The following ANO3 variants were observed in gnomAD, a reference collection of about 807,000 sequenced individuals.
The protein encoded by ANO3 is anoctamin 3.
In ANO3, 99 loss-of-function variants were observed where a neutral mutation model predicts 144.8. That is an observed-to-expected ratio of 0.68 (90% CI 0.58 to 0.81). ANO3 has a LOEUF of 0.81. Among genes scored for constraint, ANO3 ranks in the 30% least tolerant of loss-of-function variants. The pLI, the probability that ANO3 is intolerant of heterozygous loss-of-function variation, is 0.00. For synonymous variants in ANO3, 414 were observed against 392.6 expected, an observed-to-expected ratio of 1.05 and a Z score of -0.64; for missense variants, 905 against 1,202.2, an observed-to-expected ratio of 0.75 and a Z score of 3.66.
intron 14 of ANO3, among the ~76,000 whole-genome samples, chr11:26,595,079 C>G (rs769096941): frequency 2.0e-5 from 3 of 152,120 alleles, no homozygotes; most frequent in African/African-American, 4.8e-5. Context: ...GCCAGGATCC[C>G]CAGTCATTTT....
At chr11:26,288,566 G>A (rs922942997) in intron 1 of ANO3, among the ~76,000 whole-genome samples, 1 of 152,058 alleles carries the variant, frequency 6.6e-6, no homozygotes, top group African/African-American at 2.4e-5. Flanking sequence ...CACAAACTGG[G>A]GTTAATAAAT....
At chr11:26,576,381 A>T (rs995383560) in intron 14 of ANO3, among the ~76,000 whole-genome samples, 2 of 152,190 alleles carry the variant, frequency 1.3e-5, no homozygotes, top group Non-Finnish European at 2.9e-5. Flanking sequence ...TAAATATAAT[A>T]ATTTTTTTGG....
intron 4 of ANO3, among the ~76,000 whole-genome samples, chr11:26,506,264 T>C (rs1861432359): frequency 6.6e-6 from 1 of 152,188 alleles, no homozygotes; most frequent in African/African-American, 2.4e-5. Context: ...TGGCTCCTTA[T>C]CTTTTTAAAT....
intron 1 of ANO3, among the ~76,000 whole-genome samples, chr11:26,354,803 T>A (rs1443003445): frequency 6.6e-6 from 1 of 152,178 alleles, no homozygotes; most frequent in Non-Finnish European, 1.5e-5. Flanking sequence ...TATTTTCATA[T>A]TAAAATTGTT....
At chr11:26,284,110 T>C (rs904375654) in intron 1 of ANO3, among the ~76,000 whole-genome samples, 2 of 152,036 alleles carry the variant, frequency 1.3e-5, no homozygotes, top group African/African-American at 4.8e-5. Flanking sequence ...GGGCCAGAAG[T>C]GCTCTAAGTG....
chr11:26,333,787 A>G (rs1293885536), intron 1 of ANO3, among the ~76,000 whole-genome samples: 1 of 152,182 alleles, frequency 6.6e-6, no homozygotes, highest in Non-Finnish European at 1.5e-5. Flanking sequence ...GTAGACAAAA[A>G]TTTCACCTAG....
At chr11:26,459,636 G>A (rs1020871299) in intron 3 of ANO3, among the ~76,000 whole-genome samples, 1 of 151,676 alleles carries the variant, frequency 6.6e-6, no homozygotes, top group African/African-American at 2.4e-5. Context: ...GCCAGGCCAG[G>A]CTCACAAAAA....
chr11:26,422,769 G>C (rs1034923115), intron 1 of ANO3, among the ~76,000 whole-genome samples: 1 of 151,844 alleles, frequency 6.6e-6, no homozygotes. Flanking sequence ...ATGCTGTGGG[G>C]GTAATTTTAG....
intron 1 of ANO3, among the ~76,000 whole-genome samples, chr11:26,245,045 G>T (rs1446116406): frequency 7.0e-6 from 1 of 142,386 alleles, no homozygotes; most frequent in Non-Finnish European, 1.5e-5. Flanking sequence ...GTCTTTCATA[G>T]CATTGAATTT....
rs553530857 is a variant in ANO3, at chr11:26,288,838, T to TA, written c.155-20806dup. ...TGCCATGGATCTAATATGCCATACC[T>TA]ATTTGCCTGCAAATGTCCCTCTGGG... is the stretch of plus-strand genomic sequence containing the variant. On this transcript the variant is annotated intron_variant, in intron 1 of 27. Transcript: ENST00000672621. 3.7e-4 allele frequency among the ~76,000 whole-genome samples: 56 copies of TA among 152,268 alleles called. 2 individuals are homozygous for TA. In the South Asian group the frequency reaches 0.011, roughly 31 times the overall value.
At position 26,635,083 on chromosome 11, in the gene ANO3, G is replaced by A. The variant is rs1438086488; in HGVS notation, c.2043+13G>A. ...GAGACTGGAGGAAGTAAGTAACTTT[G>A]GGAGTGTGGGTGCAGGAATGGGCAT... On this transcript the variant is annotated intron_variant, in intron 20 of 26. Coordinates refer to ENST00000256737, the MANE Select transcript of ANO3 (RefSeq NM_031418.4). 1 of 1,612,614 alleles carries A rather than the reference G, an allele frequency of 6.2e-7. No individual in the cohort carries two copies. The highest frequency in any genetic ancestry group is 1.7e-5 in the Admixed American group (1 of 60,008).
rs1447376390 is a variant in ANO3 at position 26,660,969 on chromosome 11, T to C, written c.*525T>C. ...TTTACAGGTTGGTAGGAATTGCCCATGTCTCTTGCTGAGATTATGGATCTG... is the reference window on the plus strand; with the variant it reads ...TTTACAGGTTGGTAGGAATTGCCCACGTCTCTTGCTGAGATTATGGATCTG... On this transcript the variant is annotated 3_prime_UTR_variant, in exon 27 of 27. Coordinates refer to ENST00000256737, the MANE Select transcript of ANO3 (RefSeq NM_031418.4). 1 of 153,044 alleles carries C rather than the reference T, an allele frequency of 6.5e-6. No homozygotes were observed. The highest frequency in any genetic ancestry group is 1.5e-5 in the Non-Finnish European group (1 of 68,392). 9.5% of individuals were successfully genotyped at this position (153,044 alleles called of 1,614,324 possible).
intron 1 of ANO3, among the ~76,000 whole-genome samples, chr11:26,350,282 G>A (rs1855610916): frequency 6.6e-6 from 1 of 152,056 alleles, no homozygotes. Context: ...TAGTGTGGTG[G>A]GCCCCGCACA....
chr11:26,638,413 C>T (rs1853036131), intron 20 of ANO3, among the ~76,000 whole-genome samples: 1 of 152,190 alleles, frequency 6.6e-6, no homozygotes, highest in African/African-American at 2.4e-5. Flanking sequence ...ATTAGACAAA[C>T]TTAGATTGTG....
chr11:26,646,874 A>G (rs992721086), intron 23 of ANO3, among the ~76,000 whole-genome samples: 2 of 152,094 alleles, frequency 1.3e-5, no homozygotes, highest in Non-Finnish European at 2.9e-5. Context: ...TATGATTTTT[A>G]TCGGTTTCTT....
At chr11:26,387,659 T>G (rs1394302402) in intron 1 of ANO3, among the ~76,000 whole-genome samples, 3 of 152,174 alleles carry the variant, frequency 2.0e-5, no homozygotes, top group Non-Finnish European at 2.9e-5. Flanking sequence ...CTGTGGTTTT[T>G]CCCCTCAATT....
At chr11:26,404,869 C>A (rs1857235813) in intron 1 of ANO3, among the ~76,000 whole-genome samples, 1 of 150,976 alleles carries the variant, frequency 6.6e-6, no homozygotes, top group Non-Finnish European at 1.5e-5. Context: ...TTCAAGATTA[C>A]ATTACTAAAT....
At chr11:26,423,602 T>C (rs991902326) in intron 1 of ANO3, among the ~76,000 whole-genome samples, 3 of 151,980 alleles carry the variant, frequency 2.0e-5, no homozygotes, top group Admixed American at 6.6e-5. Context: ...TGATGGTAGG[T>C]AGACATTTCC....
At chr11:26,585,732 A>G (rs1304744638) in intron 14 of ANO3, among the ~76,000 whole-genome samples, 3 of 152,180 alleles carry the variant, frequency 2.0e-5, no homozygotes, top group Admixed American at 2.0e-4. Context: ...TAGAGTTAGG[A>G]TGACTTTGGT....
Sources: allele counts gnomAD v4.1 joint callset (sites outside exome capture counted in the v4.1 genomes callset), GRCh38; gene constraint gnomAD v4.1.1; transcripts MANE v1.5; gene names NCBI Gene and HGNC (gene_info 2026-07-23, HGNC 2026-07-21).